Variants in MSRA observed in about 807,000 individuals in gnomAD.
MSRA encodes the protein methionine sulfoxide reductase A, also known as mitochondrial peptide methionine sulfoxide reductase.
In MSRA, 54 loss-of-function variants were observed where a neutral mutation model predicts 31.3. That is an observed-to-expected ratio of 1.73 (90% confidence interval 1.39 to 2.17). MSRA has a LOEUF of 2.17. Ranked by LOEUF, MSRA falls within the 30% of genes most tolerant of loss-of-function variation. The pLI, the probability that MSRA is intolerant of heterozygous loss-of-function variation, is 0.00. For missense variants in MSRA, 507 were observed against 300.9 expected (o/e 1.69, Z -5.07); for synonymous variants, 169 against 116.5 (o/e 1.45, Z -2.90).
At position 10,136,184 on chromosome 8, in the gene MSRA, G is replaced by T. The variant is rs543899637; in HGVS notation, c.143-71649G>T. Reference sequence around the variant, plus strand: ...GGCTTGCAGTCACGCTGGGCACAGGGACCCCGGGCAGAGAGGAGCTCTGCG... The same window carrying T: ...GGCTTGCAGTCACGCTGGGCACAGGTACCCCGGGCAGAGAGGAGCTCTGCG... On this transcript the variant is annotated intron_variant, in intron 1 of 5. Transcript: ENST00000317173. Among the ~76,000 whole-genome samples the T allele has an allele frequency of 9.8e-5, 15 of 152,290 alleles. 1 individual carries two copies. In the East Asian group the frequency reaches 2.5e-3, roughly 25 times the overall value.
At chr8:10,175,555 G>A (rs1183865866) in intron 1 of MSRA, among the ~76,000 whole-genome samples, 2 of 152,152 alleles carry the variant, frequency 1.3e-5, no homozygotes. Flanking sequence ...CCCTCACTTT[G>A]GGTATGGTTA....
chr8:10,334,015 C>T (rs1262848155), intron 5 of MSRA, among the ~76,000 whole-genome samples: 3 of 152,174 alleles, frequency 2.0e-5, no homozygotes, highest in African/African-American at 7.2e-5. Flanking sequence ...TTTTCTCCCC[C>T]TACCCGCCAT....
At chr8:10,359,096 C>G (rs1427402382) in intron 5 of MSRA, among the ~76,000 whole-genome samples, 2 of 152,142 alleles carry the variant, frequency 1.3e-5, no homozygotes, top group Non-Finnish European at 2.9e-5. Flanking sequence ...ATGTGATGTG[C>G]TTTTTCAACG....
chr8:10,211,821 A>C (rs2129061891), intron 2 of MSRA, among the ~76,000 whole-genome samples: 1 of 152,274 alleles, frequency 6.6e-6, no homozygotes, highest in South Asian at 2.1e-4. Flanking sequence ...CACTCTGTCC[A>C]CGTGGAGGGC....
At chr8:10,181,786 G>A (rs1806565892) in intron 1 of MSRA, among the ~76,000 whole-genome samples, 1 of 152,132 alleles carries the variant, frequency 6.6e-6, no homozygotes, top group South Asian at 2.1e-4. Context: ...ACTTCCTGGG[G>A]TCACATAGAG....
At chr8:10,168,754 C>A (rs60664517) in intron 1 of MSRA, among the ~76,000 whole-genome samples, 198 of 152,312 alleles carry the variant, frequency 1.3e-3, no homozygotes, top group African/African-American at 4.5e-3. Flanking sequence ...AGCCCAGCCT[C>A]CCATCCTTGC....
At chr8:10,288,806 G>T (rs1205819463) in intron 3 of MSRA, among the ~76,000 whole-genome samples, 3 of 152,156 alleles carry the variant, frequency 2.0e-5, no homozygotes, top group Admixed American at 6.5e-5. Context: ...TACTATCCAA[G>T]TTGGGAGAAT....
At chr8:10,154,190 A>G (rs1803951948) in intron 1 of MSRA, among the ~76,000 whole-genome samples, 1 of 152,218 alleles carries the variant, frequency 6.6e-6, no homozygotes, top group African/African-American at 2.4e-5. Flanking sequence ...AAACGCAGTC[A>G]CTGAATCTGT....
chr8:10,360,839 A>G (rs752931408), intron 5 of MSRA, among the ~76,000 whole-genome samples: 5 of 152,130 alleles, frequency 3.3e-5, no homozygotes, highest in African/African-American at 4.8e-5. Flanking sequence ...GGAGATAATG[A>G]GTTTCAAATG....
chr8:10,063,709 G>A (rs569780404), intron 1 of MSRA, among the ~76,000 whole-genome samples: 8 of 152,320 alleles, frequency 5.3e-5, no homozygotes, highest in African/African-American at 1.9e-4. Context: ...GTGAGAAGGC[G>A]CTGTCCGTGA....
At chr8:10,293,322 A>G (rs983927285) in intron 3 of MSRA, among the ~76,000 whole-genome samples, 4 of 152,156 alleles carry the variant, frequency 2.6e-5, no homozygotes, top group Non-Finnish European at 5.9e-5. Flanking sequence ...TGCAACAACA[A>G]AGATGAGCTA....
intron 5 of MSRA, among the ~76,000 whole-genome samples, chr8:10,340,669 C>T (rs1026770567): frequency 6.6e-6 from 1 of 152,202 alleles, no homozygotes; most frequent in South Asian, 2.1e-4. Context: ...CACTGTGTCC[C>T]GCCAGATTGG....
intron 1 of MSRA, among the ~76,000 whole-genome samples, chr8:10,174,422 G>T (rs75785055): frequency 0.019 from 2,857 of 152,180 alleles, 92 homozygotes; most frequent in African/African-American, 0.065. Context: ...TTGGTGTCAC[G>T]CAACCATGCT....
chr8:10,316,879 A>T (rs1280458742), intron 4 of MSRA, among the ~76,000 whole-genome samples: 2 of 152,104 alleles, frequency 1.3e-5, no homozygotes, highest in African/African-American at 4.8e-5. Context: ...TTTTTCACAG[A>T]GACCCTACTT....
intron 2 of MSRA, among the ~76,000 whole-genome samples, chr8:10,238,377 T>C (rs1016378463): frequency 5.9e-5 from 9 of 152,244 alleles, no homozygotes; most frequent in Non-Finnish European, 1.0e-4. Context: ...TCAAACTATG[T>C]CATCTACCTA....
intron 1 of MSRA, among the ~76,000 whole-genome samples, chr8:10,200,078 A>T (rs1808363183): frequency 6.7e-6 from 1 of 149,922 alleles, no homozygotes; most frequent in Non-Finnish European, 1.5e-5. Flanking sequence ...GCTGGGAGGT[A>T]TGGGGGTTGC....
chr8:10,293,538 C>A (rs775827292), intron 3 of MSRA, among the ~76,000 whole-genome samples: 1 of 152,198 alleles, frequency 6.6e-6, no homozygotes, highest in Non-Finnish European at 1.5e-5. Flanking sequence ...GCCTCCCCCA[C>A]TTGATATTTG....
chr8:10,314,110 A>G (rs1001360855), intron 4 of MSRA, among the ~76,000 whole-genome samples: 4 of 152,222 alleles, frequency 2.6e-5, no homozygotes, highest in Non-Finnish European at 5.9e-5. Context: ...AACAAGACAC[A>G]AAAGCACTAA....
intron 2 of MSRA, among the ~76,000 whole-genome samples, chr8:10,242,183 A>G (rs182332885): frequency 2.0e-4 from 30 of 152,056 alleles, no homozygotes; most frequent in African/African-American, 6.5e-4. Context: ...CGGCAGAAGA[A>G]TTGCTTGAAC....
Sources: gnomAD v4.1 joint callset for allele counts (sites outside exome capture counted in the v4.1 genomes callset) on GRCh38, gnomAD v4.1.1 for gene constraint, MANE v1.5 for transcripts, NCBI Gene and HGNC (gene_info 2026-07-23, HGNC 2026-07-21) for gene names.